ESPN: variants seen among roughly 807,000 people sequenced by gnomAD.
The protein encoded by ESPN is autosomal recessive deafness type 36 protein.
ESPN carries 68 observed loss-of-function variants against 77.7 expected under a neutral mutation model. That is an observed-to-expected ratio of 0.87 (90% CI 0.72 to 1.07). ESPN has a LOEUF of 1.07. Among genes scored for constraint, ESPN ranks in the 50% least tolerant of loss-of-function variants. ESPN has a pLI of 0.00. For synonymous variants in ESPN, 449 were observed against 567.1 expected, an observed-to-expected ratio of 0.79 and a Z score of 2.96; for missense variants, 1,060 against 1,239.0, an observed-to-expected ratio of 0.86 and a Z score of 2.17.
chr1:6,443,877 C>T (rs906556672), intron 5 of ESPN, among the ~76,000 whole-genome samples: 1 of 152,172 alleles, frequency 6.6e-6, no homozygotes, highest in Non-Finnish European at 1.5e-5. Flanking sequence ...CACCACAGCC[C>T]CGTCTGCACC....
intron 10 of ESPN, among the ~76,000 whole-genome samples, chr1:6,452,625 C>G (rs1191186011): frequency 6.6e-6 from 1 of 152,194 alleles, no homozygotes; most frequent in Non-Finnish European, 1.5e-5. Flanking sequence ...TTTAGGAGGT[C>G]TGGGCGGGGC....
chr1:6,445,039 A>C (rs1643776473), intron 6 of ESPN, among the ~76,000 whole-genome samples: 3 of 152,184 alleles, frequency 2.0e-5, no homozygotes, highest in Admixed American at 2.0e-4. Flanking sequence ...ATATCTGCAC[A>C]CACCCACCCT....
chr1:6,459,198 G>A (rs536638854), intron 12 of ESPN, among the ~76,000 whole-genome samples: 130 of 151,788 alleles, frequency 8.6e-4, no homozygotes, highest in African/African-American at 3.0e-3. Context: ...CCGAGATCGT[G>A]CCACTGCACT....
At chr1:6,436,821 A>G (rs1001419218) in intron 2 of ESPN, among the ~76,000 whole-genome samples, 2 of 152,128 alleles carry the variant, frequency 1.3e-5, no homozygotes, top group African/African-American at 4.8e-5. Flanking sequence ...CCTTATGCTC[A>G]TCCATATCTT....
At chr1:6,461,218 G>T (rs45481403), downstream of ESPN, 2 of 733,002 alleles carry the variant, frequency 2.7e-6, no homozygotes, top group Non-Finnish European at 5.0e-6. The surrounding 1 kb of genome is among the most constrained non-coding windows in gnomAD (Gnocchi z 6.3). Flanking sequence ...CGGCCGAGAA[G>T]TTGAGAAATG....
At position 6,446,802 on chromosome 1, in the gene ESPN, G is replaced by C. The variant is rs115703831; in HGVS notation, c.1464+867G>C. 8.1e-3 allele frequency: 1,233 copies of C among 152,406 alleles called. 14 individuals are homozygous for C. Among genetic ancestry groups the C allele is most frequent in the African/African-American group, 0.028 (1,167 of 41,550 alleles). 9.4% of individuals were successfully genotyped at this position (152,406 alleles called of 1,614,324 possible). A position where few individuals can be genotyped will look rare whatever the true frequency, so the allele number is the denominator to read the frequency against. On this transcript the variant is annotated intron_variant, in intron 7 of 12. Transcript: ENST00000645284. ...CCCCCTGGGGTCCTGCTGGAGCCTGGGACCTTGCAGTTCTCAAGCCCAAGG... is the reference window on the plus strand; with the variant it reads ...CCCCCTGGGGTCCTGCTGGAGCCTGCGACCTTGCAGTTCTCAAGCCCAAGG...
At chr1:6,459,861 ACCGAG>A in intron 12 of ESPN, 133 bp from the exon 13 acceptor site, 1 of 1,013,828 alleles carries the variant, frequency 9.9e-7, no homozygotes, top group Non-Finnish European at 1.5e-6. Context: ...GTCTTCAGCA[ACCGAG>A]CCCCAGCCCT....
Position 6,460,167 on chromosome 1 carries a change from C to A in ESPN, c.*21C>A. 20 of 1,605,842 alleles carry A rather than the reference C, an allele frequency of 1.2e-5. No individual in the cohort carries two copies. Among genetic ancestry groups the A allele is most frequent in the Non-Finnish European group, 1.7e-5 (20 of 1,175,632 alleles). On this transcript the variant is annotated 3_prime_UTR_variant, in exon 13 of 13. Coordinates refer to ENST00000645284, the MANE Select transcript of ESPN (RefSeq NM_031475.3). The stretch of plus-strand genomic sequence containing the variant: ...ACTAGAGGCCGCAGACTCCTGTCCG[C>A]AGCCTCGCAGCTCCGTGGGGCCCTC...
At position 6,460,278 on chromosome 1, in the gene ESPN, C is replaced by T. The variant is rs1644135724; in HGVS notation, c.*132C>T. The T allele has an allele frequency of 8.4e-7, 1 of 1,189,562 alleles. No individual in the cohort carries two copies. The highest frequency in any genetic ancestry group is 1.2e-6 in the Non-Finnish European group (1 of 856,402). The allele number at this position is 1,189,562 out of a possible 1,614,324, so 73.7% of individuals were successfully genotyped here. A position where few individuals can be genotyped will look rare whatever the true frequency, so the allele number is the denominator to read the frequency against. Reference sequence around the variant, plus strand: ...TCCTGCGCTGGAAACCCTCCCTGACCCCCACCCTGGCCCCCCGTATCCCCA... The same window carrying T: ...TCCTGCGCTGGAAACCCTCCCTGACTCCCACCCTGGCCCCCCGTATCCCCA... On this transcript the variant is annotated 3_prime_UTR_variant, in exon 13 of 13. Transcript: ENST00000645284.
At chr1:6,443,484 C>T (rs561162677) in intron 5 of ESPN, among the ~76,000 whole-genome samples, 4 of 152,228 alleles carry the variant, frequency 2.6e-5, no homozygotes, top group Non-Finnish European at 5.9e-5. Flanking sequence ...AGAGCACCTT[C>T]GGGTGCTGCC....
At chr1:6,455,008 G>A in intron 10 of ESPN, 1 of 376,314 alleles carries the variant, frequency 2.7e-6, no homozygotes, top group Non-Finnish European at 4.7e-6. Context: ...GCGCCCGCGC[G>A]CTGTCCGCGC....
At chr1:6,453,936 C>T (rs998305040) in intron 10 of ESPN, among the ~76,000 whole-genome samples, 1 of 152,194 alleles carries the variant, frequency 6.6e-6, no homozygotes, top group Admixed American at 6.5e-5. Flanking sequence ...TCTTTAAGAG[C>T]GGAGTGGCCT....
Position 6,449,019 on chromosome 1 carries a change from CCGGCCCCG to C in ESPN, c.1845_1852del (p.Ala616SerfsTer40). ...GCCGGAGGCCGCGAGTTCGCCACCG[CCGGCCCCG>C]CCTCTGCCCCTCGAGAGCGCTGGCC... On this transcript the variant is annotated frameshift_variant, in exon 8 of 13. Coordinates refer to ENST00000645284, the MANE Select transcript of ESPN (RefSeq NM_031475.3). LOFTEE classifies it high-confidence loss of function. 1.4e-6 allele frequency: 2 copies of C among 1,463,222 alleles called. No individual in the cohort carries two copies. Among genetic ancestry groups the C allele is most frequent in the Non-Finnish European group, 1.8e-6 (2 of 1,114,126 alleles). The allele number at this position is 1,463,222 out of a possible 1,614,324, so 90.6% of individuals were successfully genotyped here.
intron 6 of ESPN, among the ~76,000 whole-genome samples, chr1:6,445,356 C>T (rs1161130338): frequency 6.6e-6 from 1 of 152,222 alleles, no homozygotes; most frequent in Non-Finnish European, 1.5e-5. Context: ...TTGGATGTGG[C>T]CATCCGTACT....
rs1296076459 is a variant in ESPN at position 6,440,392 on chromosome 1, G to C, written c.627G>C (p.Pro209=). 2 of 1,585,292 alleles carry C rather than the reference G, an allele frequency of 1.3e-6. No homozygotes were observed. The highest frequency in any genetic ancestry group is 2.7e-5 in the African/African-American group (2 of 74,466). The change falls in exon 3 of 13, where the codon CCG becomes CCC. Residue 209 remains proline, a synonymous_variant. Transcript: ENST00000645284. ...PHARAHDGMT[P]LHAAAQMGHS... ...CGCGCGCCCACGACGGCATGACCCCGCTGCACGCCGCGGCGCAGATGGGCC... is the reference window on the plus strand; with the variant it reads ...CGCGCGCCCACGACGGCATGACCCCCCTGCACGCCGCGGCGCAGATGGGCC...
At position 6,451,339 on chromosome 1, in the gene ESPN, C is replaced by A; in HGVS notation, c.1916-264C>A. ...TATGCCCAAGAGCCACCATGAACTC[C>A]CAGGGGCCTCCAGGCAGGGGCCCTC... On this transcript the variant is annotated intron_variant, in intron 8 of 12. Transcript: ENST00000645284. The surrounding 1 kb of genome is among the most constrained non-coding windows in gnomAD (Gnocchi z 4.3). 1 of 555,264 alleles carries A rather than the reference C, an allele frequency of 1.8e-6. No individual in the cohort carries two copies. The allele number at this position is 555,264 out of a possible 1,614,324, so 34.4% of individuals were successfully genotyped here. A position where few individuals can be genotyped will look rare whatever the true frequency, so the allele number is the denominator to read the frequency against.
At chr1:6,456,110 C>T (rs74049583) in intron 10 of ESPN, 4,546 of 398,612 alleles carry the variant, frequency 0.011, 191 homozygotes, top group African/African-American at 0.086. Flanking sequence ...CTGAGATGGG[C>T]GAGTTCAGCA....
intron 5 of ESPN, 67 bp from the exon 6 acceptor site, chr1:6,444,398 GCATGACTGAGTAGGAC>G: frequency 1.4e-6 from 2 of 1,393,136 alleles, no homozygotes; most frequent in Non-Finnish European, 2.0e-6. Context: ...CACAGCGAAG[GCATGACTGAGTAGGAC>G]CCTGGCCTGG....
At chr1:6,433,122 A>G (rs1054776317) in intron 2 of ESPN, among the ~76,000 whole-genome samples, 4 of 141,668 alleles carry the variant, frequency 2.8e-5, no homozygotes, top group African/African-American at 1.2e-4. Flanking sequence ...ACTCCATCTC[A>G]AAAAAAAAGA....
Sources: allele counts gnomAD v4.1 joint callset (sites outside exome capture counted in the v4.1 genomes callset), GRCh38; gene constraint gnomAD v4.1.1; non-coding constraint Gnocchi (gnomAD v3.1); transcripts MANE v1.5; gene names NCBI Gene and HGNC (gene_info 2026-07-23, HGNC 2026-07-21).